The following MNAT1 variants were observed in gnomAD, a reference collection of about 807,000 sequenced individuals.
MNAT1 encodes the protein MNAT1 component of CDK activating kinase, also known as CDK-activating kinase assembly factor MAT1.
A neutral mutation model predicts 42.0 loss-of-function variants in MNAT1; 43 were observed. The observed-to-expected ratio is 1.02, with a 90% confidence interval of 0.80 to 1.32. The LOEUF (loss-of-function observed/expected upper bound fraction) is 1.32. Among genes scored for constraint, MNAT1 ranks in the 40% most tolerant of loss-of-function variants. MNAT1 has a pLI of 0.00. For synonymous variants in MNAT1, 118 were observed against 120.0 expected, an observed-to-expected ratio of 0.98 and a Z score of 0.11; for missense variants, 306 against 350.4, an observed-to-expected ratio of 0.87 and a Z score of 1.01.
intron 7 of MNAT1, among the ~76,000 whole-genome samples, chr14:60,882,306 TCCACAAATAA>T (rs1454161313): frequency 1.3e-5 from 2 of 152,144 alleles, no homozygotes; most frequent in Non-Finnish European, 2.9e-5. Flanking sequence ...ATTTTTAGCT[TCCACAAATAA>T]GTGGGAACAT....
At chr14:60,923,390 T>G (rs1278781839) in intron 7 of MNAT1, among the ~76,000 whole-genome samples, 5 of 152,208 alleles carry the variant, frequency 3.3e-5, no homozygotes, top group African/African-American at 1.2e-4. Context: ...CTAGACCTTT[T>G]TTGTTATATT....
chr14:60,738,521 CTGGGA>C (rs577610253), intron 1 of MNAT1, among the ~76,000 whole-genome samples: 180 of 152,242 alleles, frequency 1.2e-3, no homozygotes, highest in Non-Finnish European at 2.0e-3. Flanking sequence ...TCCCAAAGTG[CTGGGA>C]TTACAGGTGT....
At chr14:60,801,704 G>A (rs895386921) in intron 3 of MNAT1, among the ~76,000 whole-genome samples, 10 of 152,134 alleles carry the variant, frequency 6.6e-5, no homozygotes, top group African/African-American at 1.2e-4. Context: ...TGGAGAAAAG[G>A]GAATCCTTGT....
At chr14:60,812,419 G>A (rs1193039743) in intron 5 of MNAT1, among the ~76,000 whole-genome samples, 1 of 152,186 alleles carries the variant, frequency 6.6e-6, no homozygotes, top group African/African-American at 2.4e-5. Context: ...CTCTCCATGT[G>A]GTTTTGATAG....
intron 5 of MNAT1, among the ~76,000 whole-genome samples, chr14:60,816,937 C>A (rs1045300732): frequency 2.0e-5 from 3 of 151,808 alleles, no homozygotes; most frequent in Non-Finnish European, 4.4e-5. Context: ...ACATTCAGTT[C>A]CTTTTATGTG....
intron 7 of MNAT1, among the ~76,000 whole-genome samples, chr14:60,943,107 T>TGCAGTGCC (rs1320410541): frequency 1.4e-5 from 2 of 147,822 alleles, no homozygotes; most frequent in Non-Finnish European, 3.0e-5. Flanking sequence ...CAGGCTGTAG[T>TGCAGTGCC]GCAGTGCCGC....
At chr14:60,765,473 TA>T (rs2140302889) in intron 1 of MNAT1, among the ~76,000 whole-genome samples, 1 of 152,340 alleles carries the variant, frequency 6.6e-6, no homozygotes, top group African/African-American at 2.4e-5. Flanking sequence ...TATACTTATG[TA>T]ACAAACCTGC....
intron 1 of MNAT1, among the ~76,000 whole-genome samples, chr14:60,795,583 T>G (rs1236466956): frequency 1.3e-5 from 2 of 152,136 alleles, no homozygotes; most frequent in African/African-American, 4.8e-5. Flanking sequence ...TTTAACCGAA[T>G]AAAGCTTTTA....
intron 7 of MNAT1, among the ~76,000 whole-genome samples, chr14:60,911,115 G>A (rs978075681): frequency 5.3e-5 from 8 of 152,264 alleles, no homozygotes; most frequent in Middle Eastern, 3.4e-3. Flanking sequence ...TTTGTGTAGA[G>A]GTGTTTATAG....
intron 7 of MNAT1, among the ~76,000 whole-genome samples, chr14:60,941,742 C>T (rs2036164993): frequency 6.6e-6 from 1 of 151,138 alleles, no homozygotes; most frequent in Non-Finnish European, 1.5e-5. Flanking sequence ...CGGTGGCTCA[C>T]TCCTGTAATC....
chr14:60,852,529 T>A (rs2033850433), intron 6 of MNAT1, among the ~76,000 whole-genome samples: 1 of 152,224 alleles, frequency 6.6e-6, no homozygotes, highest in African/African-American at 2.4e-5. Flanking sequence ...TCTTTTGCCA[T>A]GCAGAAGCTC....
intron 5 of MNAT1, among the ~76,000 whole-genome samples, chr14:60,814,707 T>G (rs2032658613): frequency 6.6e-6 from 1 of 152,134 alleles, no homozygotes; most frequent in South Asian, 2.1e-4. Flanking sequence ...AGGGCATTCA[T>G]GAGGCTTAGA....
chr14:60,827,483 A>T (rs1404765139), intron 6 of MNAT1, among the ~76,000 whole-genome samples: 1 of 152,148 alleles, frequency 6.6e-6, no homozygotes, highest in East Asian at 1.9e-4. Context: ...TAGAAAATTA[A>T]TACCCGTTCG....
chr14:60,963,170 C>T (rs563711041), intron 7 of MNAT1, among the ~76,000 whole-genome samples: 1 of 151,886 alleles, frequency 6.6e-6, no homozygotes, highest in Non-Finnish European at 1.5e-5. Flanking sequence ...TTAGTAGATT[C>T]GGGTTTTCAC....
intron 6 of MNAT1, among the ~76,000 whole-genome samples, chr14:60,851,838 G>A (rs1485936170): frequency 6.6e-6 from 1 of 152,114 alleles, no homozygotes; most frequent in African/African-American, 2.4e-5. Context: ...TGCTGAGAAT[G>A]ATGGCTTTCA....
chr14:60,773,381 T>G (rs1370517185), intron 1 of MNAT1, among the ~76,000 whole-genome samples: 1 of 152,202 alleles, frequency 6.6e-6, no homozygotes, highest in Non-Finnish European at 1.5e-5. Flanking sequence ...AACACAGGGC[T>G]TGAGATACCA....
In MNAT1 at chr14:60,857,138, A is replaced by G. The variant is rs190685649; in HGVS notation, c.688-22576A>G. On this transcript the variant is annotated intron_variant, in intron 6 of 7. Transcript: ENST00000261245. ...CCCAGTGTTGAGACCTACTCTTCAG[A>G]AAAGATTTCTTTCAAAATATTACTG... Among the ~76,000 whole-genome samples the G allele has an allele frequency of 3.3e-3, 498 of 152,356 alleles. 3 individuals carry two copies. The highest frequency in any genetic ancestry group is 5.6e-3 in the Non-Finnish European group (383 of 68,040).
intron 1 of MNAT1, among the ~76,000 whole-genome samples, chr14:60,737,081 A>T (rs888586235): frequency 2.0e-5 from 3 of 152,194 alleles, no homozygotes; most frequent in Non-Finnish European, 4.4e-5. Flanking sequence ...TGTCTAATTA[A>T]TCATCCTTTT....
At chr14:60,735,913 G>A (rs760878166) in intron 1 of MNAT1, among the ~76,000 whole-genome samples, 2 of 152,178 alleles carry the variant, frequency 1.3e-5, no homozygotes, top group Non-Finnish European at 2.9e-5. Context: ...AAAAAATAAT[G>A]GATAATCTAC....
Sources: gnomAD v4.1 joint callset for allele counts (sites outside exome capture counted in the v4.1 genomes callset) on GRCh38, gnomAD v4.1.1 for gene constraint, MANE v1.5 for transcripts, NCBI Gene and HGNC (gene_info 2026-07-23, HGNC 2026-07-21) for gene names.